The following FBXO34 variants were observed in gnomAD, a reference collection of about 807,000 sequenced individuals.
FBXO34 encodes F-box only protein 34.
A neutral mutation model predicts 24.5 loss-of-function variants in FBXO34; 12 were observed. The observed-to-expected ratio is 0.49, with a 90% confidence interval of 0.31 to 0.79. The LOEUF is 0.79. FBXO34 is among the 30% of genes least tolerant of loss of function. The pLI, the probability that FBXO34 is intolerant of heterozygous loss-of-function variation, is 0.04. For missense variants in FBXO34, 823 were observed against 857.7 expected (o/e 0.96, Z 0.51); for synonymous variants, 320 against 311.9 (o/e 1.03, Z -0.27).
chr14:55,395,469 CAGCCTCCCAAGT>C, the FBXO34 span, among the ~76,000 whole-genome samples: 12 of 152,354 alleles, frequency 7.9e-5, no homozygotes, highest in Middle Eastern at 3.4e-3. Flanking sequence ...TCTCCTGCCT[CAGCCTCCCAAGT>C]AGCTGGGATT....
At chr14:55,365,163 A>G (rs1884652083), downstream of FBXO34, among the ~76,000 whole-genome samples, 1 of 147,534 alleles carries the variant, frequency 6.8e-6, no homozygotes, top group African/African-American at 2.5e-5. Context: ...GTGAGCCGAG[A>G]TCGTGCCACT....
At chr14:55,354,829 C>T (rs573443714), downstream of FBXO34, among the ~76,000 whole-genome samples, 15 of 152,192 alleles carry the variant, frequency 9.9e-5, no homozygotes, top group East Asian at 2.7e-3. Context: ...GTGAAAACAG[C>T]AGGCTTTTAA....
In FBXO34 at chr14:55,350,817, A is replaced by G; in HGVS notation, c.427A>G (p.Ile143Val). Reference sequence around the variant, plus strand: ...TATGAAAATAAAAAGTTCCTGGGATATTGATGGGAGAGCTACTAAGAGAAG... The same window carrying G: ...TATGAAAATAAAAAGTTCCTGGGATGTTGATGGGAGAGCTACTAAGAGAAG... ...GSMKIKSSWDIDGRATKRRKK... is the reference protein window; with the variant it reads ...GSMKIKSSWDVDGRATKRRKK... Residue 143 changes from isoleucine (I) to valine (V), a missense_variant, in exon 2 of 2, where the codon ATT becomes GTT. Ile to Val is a conservative substitution (Grantham distance 29). This residue lies in a region of FBXO34 where 693 missense variants were observed against 659.1 expected (regional missense o/e 1.05). Coordinates refer to ENST00000313833, the MANE Select transcript of FBXO34 (RefSeq NM_017943.4). The G allele has an allele frequency of 6.2e-7, 1 of 1,610,924 alleles. No homozygotes were observed. The highest frequency in any genetic ancestry group is 1.3e-5 in the African/African-American group (1 of 74,670).
the FBXO34 span, among the ~76,000 whole-genome samples, chr14:55,387,134 G>C: frequency 6.6e-6 from 1 of 151,890 alleles, no homozygotes; most frequent in Non-Finnish European, 1.5e-5. Flanking sequence ...TCTTTCACTT[G>C]CTCAATCTTT....
chr14:55,418,650 A>T, the FBXO34 span, among the ~76,000 whole-genome samples: 1 of 152,236 alleles, frequency 6.6e-6, no homozygotes, highest in African/African-American at 2.4e-5. Context: ...AGAAGCACAG[A>T]TGTTGAGCTG....
intron 1 of FBXO34, among the ~76,000 whole-genome samples, chr14:55,306,518 C>T (rs1056512689): frequency 2.6e-5 from 4 of 152,160 alleles, no homozygotes; most frequent in Non-Finnish European, 4.4e-5. Context: ...GGAAATAGTA[C>T]GTGGTCTTTC....
chr14:55,407,522 C>A, the FBXO34 span, among the ~76,000 whole-genome samples: 2 of 152,216 alleles, frequency 1.3e-5, no homozygotes, highest in Non-Finnish European at 2.9e-5. Flanking sequence ...GCCTCGGCCT[C>A]CCAAAGTGCT....
chr14:55,410,755 C>T, the FBXO34 span, among the ~76,000 whole-genome samples: 1 of 152,174 alleles, frequency 6.6e-6, no homozygotes, highest in Non-Finnish European at 1.5e-5. Flanking sequence ...ATAAGTCATT[C>T]GGTTGTTGCG....
the FBXO34 span, among the ~76,000 whole-genome samples, chr14:55,431,733 G>A: frequency 3.3e-5 from 5 of 152,142 alleles, no homozygotes; most frequent in African/African-American, 1.2e-4. Flanking sequence ...TCTGAGTACC[G>A]ACTGATCATT....
intron 1 of FBXO34, among the ~76,000 whole-genome samples, chr14:55,343,102 G>A (rs1328558852): frequency 6.6e-6 from 1 of 152,176 alleles, no homozygotes; most frequent in East Asian, 1.9e-4. Flanking sequence ...GAAGAAGGCT[G>A]TCATAAGATG....
the FBXO34 span, chr14:55,386,029 T>C: frequency 6.2e-7 from 1 of 1,614,078 alleles, no homozygotes; most frequent in African/African-American, 1.3e-5. Flanking sequence ...CCTTTTTCTC[T>C]TGGTGCCGTT....
chr14:55,441,753 A>G, the FBXO34 span, among the ~76,000 whole-genome samples: 2 of 151,986 alleles, frequency 1.3e-5, no homozygotes, highest in African/African-American at 4.8e-5. Flanking sequence ...CTTTATAAAC[A>G]TAATTGATAC....
the FBXO34 span, among the ~76,000 whole-genome samples, chr14:55,441,766 T>G: frequency 6.6e-6 from 1 of 151,956 alleles, no homozygotes; most frequent in African/African-American, 2.4e-5. Flanking sequence ...ATTGATACCT[T>G]TTTTCTTTTC....
At position 55,351,968 on chromosome 14, in the gene FBXO34, G is replaced by A. The variant is rs1566569387; in HGVS notation, c.1578G>A (p.Gly526=). ...ACAGTGCATCTGAGGAAAAAAGTGG[G>A]TCTGCTGAGCCATTTGTACTGCCAG... The part of the protein sequence containing the change: ...GGDSASEEKS[G]SAEPFVLPAS... Residue 526 remains glycine, a synonymous_variant, in exon 2 of 2, where the codon GGG becomes GGA. Transcript: ENST00000313833. The A allele has an allele frequency of 6.2e-7, 1 of 1,614,154 alleles. No homozygotes were observed. The highest frequency in any genetic ancestry group is 2.2e-5 in the East Asian group (1 of 44,880).
At chr14:55,276,117 ACCTTTTCT>A (rs1462099938) in intron 1 of FBXO34, among the ~76,000 whole-genome samples, 1 of 152,164 alleles carries the variant, frequency 6.6e-6, no homozygotes, top group Non-Finnish European at 1.5e-5. Flanking sequence ...CAACCCGAAT[ACCTTTTCT>A]CCTTTTCTTT....
At chr14:55,392,210 A>G in the FBXO34 span, among the ~76,000 whole-genome samples, 2 of 152,230 alleles carry the variant, frequency 1.3e-5, no homozygotes, top group Admixed American at 6.5e-5. Context: ...CTGATCTGAC[A>G]GGAGGTGGAG....
At chr14:55,346,043 G>T (rs138959205) in intron 1 of FBXO34, among the ~76,000 whole-genome samples, 15 of 152,178 alleles carry the variant, frequency 9.9e-5, no homozygotes, top group African/African-American at 3.6e-4. Flanking sequence ...ATGAGTAGAA[G>T]GAAATGAACA....
At chr14:55,334,879 G>C (rs1281011751) in intron 1 of FBXO34, among the ~76,000 whole-genome samples, 2 of 152,332 alleles carry the variant, frequency 1.3e-5, no homozygotes. Flanking sequence ...TTCATCCATT[G>C]GTGACAAGAT....
chr14:55,438,552 T>C, the FBXO34 span, among the ~76,000 whole-genome samples: 1 of 152,276 alleles, frequency 6.6e-6, no homozygotes, highest in Middle Eastern at 3.4e-3. Context: ...CAACAGTCAG[T>C]GTCTCCCTTC....
Sources: gnomAD v4.1 joint callset for allele counts (sites outside exome capture counted in the v4.1 genomes callset) on GRCh38, gnomAD v4.1.1 for gene constraint, gnomAD v4.1.1 regional missense constraint, MANE v1.5 for transcripts, NCBI Gene and HGNC (gene_info 2026-07-23, HGNC 2026-07-21) for gene names.